The following ABI3BP variants were observed in gnomAD, a reference collection of about 807,000 sequenced individuals.
ABI3BP encodes the protein target of Nesh-SH3.
ABI3BP carries 216 observed loss-of-function variants against 268.6 expected under a neutral mutation model. The observed-to-expected ratio is 0.80, with a 90% CI of 0.72 to 0.90. The LOEUF is 0.90. ABI3BP is among the 40% of genes least tolerant of loss of function. The pLI, the probability that ABI3BP is intolerant of heterozygous loss-of-function variation, is 0.00. For missense variants in ABI3BP, 2,090 were observed against 2,182.4 expected, an observed-to-expected ratio of 0.96 and a Z score of 0.84; for synonymous variants, 730 against 730.0, an observed-to-expected ratio of 1.00 and a Z score of 0.00.
rs2099056392 is a variant in ABI3BP at position 100,866,938 on chromosome 3, G to A, written c.929C>T (p.Ala310Val). 2 of 1,613,744 alleles carry A rather than the reference G, an allele frequency of 1.2e-6. No individual in the cohort carries two copies. Among genetic ancestry groups the A allele is most frequent in the Non-Finnish European group, 1.7e-6 (2 of 1,179,744 alleles). Residue 310 changes from alanine (A) to valine (V), a missense_variant, in exon 10 of 68, where the codon GCA becomes GTA. Transcript: ENST00000471714. Reference sequence around the variant, plus strand: ...TGGTGTTTTAGATTCGGCAGGTAATGCCAAGGTTTCATTCTTAGCTAAAAA... The same window carrying A: ...TGGTGTTTTAGATTCGGCAGGTAATACCAAGGTTTCATTCTTAGCTAAAAA... ...KTQLAKNETL[A>V]LPAESKTPEV...
At chr3:100,796,327 C>G in intron 52 of ABI3BP, 82 bp downstream of exon 52, 1 of 1,124,262 alleles carries the variant, frequency 8.9e-7, no homozygotes, top group Non-Finnish European at 1.2e-6. Context: ...CATATCACAA[C>G]CATTAAAAAT....
At chr3:100,753,332 C>A (rs1428891425) in intron 65 of ABI3BP, among the ~76,000 whole-genome samples, 1 of 149,028 alleles carries the variant, frequency 6.7e-6, no homozygotes, top group African/African-American at 2.6e-5. Context: ...CAGGATCTCA[C>A]TCTGTTGCCC....
intron 4 of ABI3BP, among the ~76,000 whole-genome samples, chr3:100,888,884 A>G (rs1391351896): frequency 6.7e-6 from 1 of 149,488 alleles, no homozygotes; most frequent in Admixed American, 6.7e-5. Context: ...GTAAATTTTC[A>G]TTGATTTTAA....
At chr3:100,825,257 G>A (rs1368110976) in intron 35 of ABI3BP, among the ~76,000 whole-genome samples, 1 of 152,064 alleles carries the variant, frequency 6.6e-6, no homozygotes, top group East Asian at 1.9e-4. Context: ...GGAAGTTAGA[G>A]TCACATTAAG....
intron 16 of ABI3BP, 32 bp from the exon 17 acceptor site, chr3:100,850,151 A>G (rs1447084243): frequency 1.3e-6 from 2 of 1,579,690 alleles, no homozygotes; most frequent in African/African-American, 1.3e-5. Flanking sequence ...CCCATCAAAT[A>G]ATCCCAGTTA....
At chr3:100,854,385 G>A (rs1391586958) in intron 14 of ABI3BP, among the ~76,000 whole-genome samples, 1 of 151,998 alleles carries the variant, frequency 6.6e-6, no homozygotes, top group Non-Finnish European at 1.5e-5. Context: ...GAGATGTCGG[G>A]GGAGAGGACA....
At chr3:100,921,487 C>A (rs1349119174) in intron 2 of ABI3BP, among the ~76,000 whole-genome samples, 2 of 151,202 alleles carry the variant, frequency 1.3e-5, no homozygotes, top group African/African-American at 4.9e-5. Flanking sequence ...AAAATGTTAA[C>A]CAGGAGTGAG....
At position 100,864,921 on chromosome 3, in the gene ABI3BP, A is replaced by C. The variant is rs562210873; in HGVS notation, c.989-14T>G. 2.0e-5 allele frequency: 32 copies of C among 1,591,068 alleles called. No homozygotes were observed. The East Asian group carries it at 7.2e-4, about 36-fold the overall frequency. On this transcript the variant is annotated splice_polypyrimidine_tract_variant and intron_variant, in intron 10 of 67. Coordinates refer to ENST00000471714, the MANE Select transcript of ABI3BP (RefSeq NM_001375547.2). ...TTTCAGGAGTCACTGAAAGGTAAAA[A>C]GCACAACTTTACAAATTAAGATAAA...
chr3:100,780,310 G>C (rs903599894), intron 57 of ABI3BP, 101 bp from the exon 58 acceptor site: 2 of 1,087,558 alleles, frequency 1.8e-6, no homozygotes, highest in Non-Finnish European at 2.7e-6. Flanking sequence ...TGCAGAGCAG[G>C]AGCATTGGTG....
At chr3:100,881,893 G>T (rs1315280049) in intron 6 of ABI3BP, among the ~76,000 whole-genome samples, 5 of 152,144 alleles carry the variant, frequency 3.3e-5, no homozygotes, top group African/African-American at 1.2e-4. Context: ...CCTGCTATAT[G>T]TTCTGGGCAC....
At chr3:100,985,141 CTTTTTTTTTTTTT>C (rs1172049956) in intron 1 of ABI3BP, among the ~76,000 whole-genome samples, 1 of 79,838 alleles carries the variant, frequency 1.3e-5, no homozygotes, top group Non-Finnish European at 2.4e-5. Flanking sequence ...CAGAAAAGCA[CTTTTTTTTTTTTT>C]TTTTTTTTTT....
Position 100,976,582 on chromosome 3 carries a change from G to C in ABI3BP, c.79+16724C>G, listed in dbSNP as rs188749118. Among the ~76,000 whole-genome samples the C allele has an allele frequency of 7.6e-4, 115 of 152,180 alleles. 1 individual carries two copies. Among genetic ancestry groups the C allele is most frequent in the African/African-American group, 2.6e-3 (106 of 41,516 alleles). On this transcript the variant is annotated intron_variant, in intron 1 of 67. Coordinates refer to ENST00000471714, the MANE Select transcript of ABI3BP (RefSeq NM_001375547.2). ...CTTTCTTTATTTATTCTCTCATAAT[G>C]TTAGATGCATAGAAAATGGTATTTT...
chr3:100,946,962 CTTAAAA>C (rs1336507141), intron 1 of ABI3BP, among the ~76,000 whole-genome samples: 2 of 152,092 alleles, frequency 1.3e-5, no homozygotes. Flanking sequence ...TTTATTTGTA[CTTAAAA>C]TTAAAATGAA....
rs891303315 is a variant in ABI3BP at position 100,750,927 on chromosome 3, C to T, written c.5246-317G>A. Reference sequence around the variant, plus strand: ...AGTATTGTTGGTATTTTTAAGTGCCCGTGAACAAAATGTGTTACTGAAAAA... The same window carrying T: ...AGTATTGTTGGTATTTTTAAGTGCCTGTGAACAAAATGTGTTACTGAAAAA... On this transcript the variant is annotated intron_variant, in intron 67 of 67. Coordinates refer to ENST00000471714, the MANE Select transcript of ABI3BP (RefSeq NM_001375547.2). Among the ~76,000 whole-genome samples, 7 of 151,950 alleles carry T rather than the reference C, an allele frequency of 4.6e-5. No individual in the cohort carries two copies. In the South Asian group the frequency reaches 6.2e-4, roughly 14 times the overall value.
rs1310935254 is a variant in ABI3BP at position 100,851,823 on chromosome 3, C to CA, written c.1351+51dup. 2.7e-5 allele frequency: 39 copies of CA among 1,455,670 alleles called. No homozygotes were observed. In the Admixed American group the frequency reaches 8.3e-4, roughly 31 times the overall value. The allele number at this position is 1,455,670 out of a possible 1,614,324, so 90.2% of individuals were successfully genotyped here. ...CTGCAAAAACTAAAGGAAGAACCACCAAGTGTTGGAACACCTGGGATCCAA... is the reference window on the plus strand; with the variant it reads ...CTGCAAAAACTAAAGGAAGAACCACCAAAGTGTTGGAACACCTGGGATCCAA... On this transcript the variant is annotated intron_variant, in intron 15 of 67. Coordinates refer to ENST00000471714, the MANE Select transcript of ABI3BP (RefSeq NM_001375547.2).
intron 1 of ABI3BP, among the ~76,000 whole-genome samples, chr3:100,992,812 CAT>C (rs2093163116): frequency 6.6e-6 from 1 of 152,238 alleles, no homozygotes; most frequent in Non-Finnish European, 1.5e-5. Flanking sequence ...CAAATCAGCA[CAT>C]GACCGTACTT....
chr3:100,769,845 A>T (rs1490661559), intron 62 of ABI3BP, among the ~76,000 whole-genome samples: 1 of 152,240 alleles, frequency 6.6e-6, no homozygotes, highest in Non-Finnish European at 1.5e-5. Flanking sequence ...AAAACGTGGT[A>T]AAGAAAGCTA....
Position 100,833,108 on chromosome 3 carries a change from A to T in ABI3BP, c.2314+17T>A. Reference sequence around the variant, plus strand: ...AGTAAGAAAAAGGACTTGCTGAAGGACATAGAGAGTCATTACCTGAAGATG... The same window carrying T: ...AGTAAGAAAAAGGACTTGCTGAAGGTCATAGAGAGTCATTACCTGAAGATG... On this transcript the variant is annotated intron_variant, in intron 30 of 67. Transcript: ENST00000471714. 1 of 1,533,250 alleles carries T rather than the reference A, an allele frequency of 6.5e-7. No homozygotes were observed. Among genetic ancestry groups the T allele is most frequent in the South Asian group, 1.2e-5 (1 of 83,790 alleles). The allele number at this position is 1,533,250 out of a possible 1,614,324, so 95.0% of individuals were successfully genotyped here. A position where few individuals can be genotyped will look rare whatever the true frequency, so the allele number is the denominator to read the frequency against.
At position 100,808,254 on chromosome 3, in the gene ABI3BP, G is replaced by A; in HGVS notation, c.3608-19C>T. The A allele has an allele frequency of 6.3e-7, 1 of 1,588,652 alleles. No individual in the cohort carries two copies. Among genetic ancestry groups the A allele is most frequent in the Non-Finnish European group, 8.6e-7 (1 of 1,167,310 alleles). On this transcript the variant is annotated intron_variant, in intron 49 of 67. Coordinates refer to ENST00000471714, the MANE Select transcript of ABI3BP (RefSeq NM_001375547.2). ...TTGGGAGCTAAAAGAAAGGATATAGGTTCGGAAATCTTGAGCCCTTCAAGA... is the reference window on the plus strand; with the variant it reads ...TTGGGAGCTAAAAGAAAGGATATAGATTCGGAAATCTTGAGCCCTTCAAGA...
Sources: gnomAD v4.1 joint callset for allele counts (sites outside exome capture counted in the v4.1 genomes callset) on GRCh38, gnomAD v4.1.1 for gene constraint, MANE v1.5 for transcripts, NCBI Gene and HGNC (gene_info 2026-07-23, HGNC 2026-07-21) for gene names.